The following RUFY4 variants were observed in gnomAD, a reference collection of about 807,000 sequenced individuals.
RUFY4 encodes the protein RUN and FYVE domain-containing protein 4.
A neutral mutation model predicts 69.0 loss-of-function variants in RUFY4; 73 were observed. The observed-to-expected ratio is 1.06, with a 90% CI of 0.88 to 1.29. The LOEUF (loss-of-function observed/expected upper bound fraction) is 1.29, where lower values mean the gene tolerates loss of function less well. Among genes scored for constraint, RUFY4 ranks in the 50% most tolerant of loss-of-function variants. RUFY4 has a pLI of 0.00. For synonymous variants in RUFY4, 287 were observed against 271.8 expected (o/e 1.06, Z -0.55); for missense variants, 770 against 705.6 (o/e 1.09, Z -1.03).
chr2:218,060,071 T>G (rs1689146834), intron 3 of RUFY4: 2 of 268,144 alleles, frequency 7.5e-6, no homozygotes, highest in African/African-American at 2.2e-5. Flanking sequence ...TTTTCACTTC[T>G]TAGAACATAG....
chr2:218,039,371 A>G (rs1329452498), intron 2 of RUFY4, among the ~76,000 whole-genome samples: 3 of 152,180 alleles, frequency 2.0e-5, no homozygotes, highest in African/African-American at 4.8e-5. Context: ...GCAATAGACA[A>G]TGAATTGTGG....
chr2:218,058,253 C>G (rs909367042), intron 2 of RUFY4, among the ~76,000 whole-genome samples: 2 of 152,200 alleles, frequency 1.3e-5, no homozygotes, highest in African/African-American at 4.8e-5. Context: ...TCACTTTCTC[C>G]TTAGCTTTTC....
At chr2:218,089,677 G>A (rs1301654902) in intron 10 of RUFY4, 4 of 703,074 alleles carry the variant, frequency 5.7e-6, no homozygotes, top group Non-Finnish European at 7.8e-6. Flanking sequence ...TCCTTCCTCT[G>A]TGAGCACAGT....
intron 2 of RUFY4, among the ~76,000 whole-genome samples, chr2:218,071,526 T>C (rs1689487074): frequency 6.6e-6 from 1 of 151,866 alleles, no homozygotes; most frequent in Admixed American, 6.6e-5. Context: ...GCACCCTAGA[T>C]TTTCAACACA....
intron 2 of RUFY4, among the ~76,000 whole-genome samples, chr2:218,054,041 T>C (rs1689005841): frequency 6.6e-6 from 1 of 152,254 alleles, no homozygotes; most frequent in South Asian, 2.1e-4. Flanking sequence ...ATGGTCCTGG[T>C]GTGATGCTGT....
rs184379011 is a variant in RUFY4 at position 218,055,363 on chromosome 2, C to A, written c.-1157-3232C>A. 4.5e-4 allele frequency among the ~76,000 whole-genome samples: 68 copies of A among 151,740 alleles called. 1 individual carries two copies. The highest frequency in any genetic ancestry group is 8.4e-4 in the Non-Finnish European group (57 of 67,942). ...TGAGCCAAGATCGTGCCACTGCACT[C>A]CAGCCTGGGCAACAGGGTGAGACCC... On this transcript the variant is annotated intron_variant and NMD_transcript_variant, in intron 2 of 13. Coordinates refer to the RUFY4 transcript ENST00000457754.
chr2:218,052,983 T>A (rs1688980344), intron 2 of RUFY4, among the ~76,000 whole-genome samples: 1 of 152,074 alleles, frequency 6.6e-6, no homozygotes, highest in African/African-American at 2.4e-5. Flanking sequence ...TTCATAAACA[T>A]AAGGCTCACC....
upstream of RUFY4, among the ~76,000 whole-genome samples, chr2:218,065,107 G>A (rs1689293365): frequency 6.6e-6 from 1 of 152,170 alleles, no homozygotes; most frequent in Admixed American, 6.5e-5. Flanking sequence ...ATCTTTGTGA[G>A]ATGAGAGGGG....
rs1208094272 is a variant in RUFY4 at position 218,089,235 on chromosome 2, C to T, written c.1503-17C>T. On this transcript the variant is annotated splice_polypyrimidine_tract_variant and intron_variant, in intron 9 of 10. Coordinates refer to ENST00000344321, the Ensembl canonical transcript of RUFY4. ...TCTGTCTCTGTCTGTGTCTCTCCAC[C>T]TTCATCCCCCCATCAGAGAGAAGGA... The T allele has an allele frequency of 1.9e-6, 3 of 1,598,018 alleles. No individual in the cohort carries two copies. The highest frequency in any genetic ancestry group is 2.6e-6 in the Non-Finnish European group (3 of 1,166,842).
At chr2:218,045,152 G>C (rs914339626) in intron 2 of RUFY4, among the ~76,000 whole-genome samples, 1 of 152,132 alleles carries the variant, frequency 6.6e-6, no homozygotes, top group Non-Finnish European at 1.5e-5. Context: ...CTGGTGCCAA[G>C]TGGTATCTTA....
At position 218,089,396 on chromosome 2, in the gene RUFY4, A is replaced by G. The variant is rs536894947; in HGVS notation, c.1613+34A>G. The G allele has an allele frequency of 1.0e-4, 160 of 1,585,566 alleles. 1 individual carries two copies. The South Asian group carries it at 1.3e-3, about 13-fold the overall frequency. ...AAGGGCACAGAATCCTCCCTCTGGG[A>G]CAGCCCAGTTTCCACCAGCTGACAG... On this transcript the variant is annotated intron_variant, in intron 10 of 10. Transcript: ENST00000344321.
exon 8 of RUFY4, chr2:218,076,435 A>C (rs1229156005): frequency 6.5e-7 from 1 of 1,549,760 alleles, no homozygotes; most frequent in Admixed American, 2.0e-5. Flanking sequence ...AGAGCCTCAG[A>C]CTTGGGCTCC....
In RUFY4 at chr2:218,058,286, A is replaced by G. The variant is rs1031043693; in HGVS notation, c.-1157-309A>G. Among the ~76,000 whole-genome samples the G allele has an allele frequency of 2.0e-5, 3 of 152,156 alleles. No individual in the cohort carries two copies. In the East Asian group the frequency reaches 5.8e-4, roughly 29 times the overall value. On this transcript the variant is annotated intron_variant and NMD_transcript_variant, in intron 2 of 13. Coordinates refer to the RUFY4 transcript ENST00000457754. Reference sequence around the variant, plus strand: ...TTCCTTTATTTTAACGTTTTAAAACATTTTCATTGTGAATAGCATACATAC... The same window carrying G: ...TTCCTTTATTTTAACGTTTTAAAACGTTTTCATTGTGAATAGCATACATAC...
chr2:218,043,988 C>T (rs1007930395), intron 2 of RUFY4, among the ~76,000 whole-genome samples: 1 of 152,258 alleles, frequency 6.6e-6, no homozygotes, highest in African/African-American at 2.4e-5. Context: ...ACCCACCCAG[C>T]AGGGCTATGA....
upstream of RUFY4, chr2:218,070,245 G>T: frequency 3.2e-6 from 1 of 311,952 alleles, no homozygotes; most frequent in South Asian, 3.2e-5. Context: ...CCTCTGTGAT[G>T]CTGGATAAAA....
intron 9 of RUFY4, among the ~76,000 whole-genome samples, chr2:218,084,274 C>T (rs1162985918): frequency 1.3e-5 from 2 of 151,968 alleles, no homozygotes; most frequent in Admixed American, 1.3e-4. Context: ...CTCTGTCCCC[C>T]AGGCTGGAGT....
chr2:218,085,244 G>A (rs1221388201), intron 9 of RUFY4, among the ~76,000 whole-genome samples: 1 of 152,108 alleles, frequency 6.6e-6, no homozygotes, highest in Non-Finnish European at 1.5e-5. Flanking sequence ...ATCAGCACTA[G>A]TTTCCCAGTG....
chr2:218,088,582 TGTAA>T (rs1456938079), intron 9 of RUFY4, among the ~76,000 whole-genome samples: 1 of 152,192 alleles, frequency 6.6e-6, no homozygotes, highest in African/African-American at 2.4e-5. Flanking sequence ...CAAGATGTGC[TGTAA>T]GTGTCTGGAG....
At chr2:218,072,478 C>T (rs1689512168) in exon 3 of RUFY4, 3 of 1,537,108 alleles carry the variant, frequency 2.0e-6, no homozygotes, top group Non-Finnish European at 8.7e-7. Context: ...AGCCAATCCA[C>T]TTTGTCCGTT....
Sources: gnomAD v4.1 joint callset for allele counts (sites outside exome capture counted in the v4.1 genomes callset) on GRCh38, gnomAD v4.1.1 for gene constraint, MANE v1.5 for transcripts, NCBI Gene and HGNC (gene_info 2026-07-23, HGNC 2026-07-21) for gene names.